The following ATXN1 variants were observed in gnomAD, a reference collection of about 807,000 sequenced individuals.
ATXN1 encodes ataxin-1.
In ATXN1, 8 loss-of-function variants were observed where a neutral mutation model predicts 56.4. The observed-to-expected ratio is 0.14, with a 90% CI of 0.08 to 0.26. The LOEUF (loss-of-function observed/expected upper bound fraction) is 0.26. Among genes scored for constraint, ATXN1 ranks in the 10% least tolerant of loss-of-function variants. The pLI is 1.00. For synonymous variants in ATXN1, 514 were observed against 494.6 expected, an observed-to-expected ratio of 1.04 and a Z score of -0.52; for missense variants, 987 against 1,106.5, an observed-to-expected ratio of 0.89 and a Z score of 1.53.
intron 6 of ATXN1, among the ~76,000 whole-genome samples, chr6:16,442,620 A>T (rs1228849903): frequency 6.6e-6 from 1 of 152,352 alleles, no homozygotes; most frequent in African/African-American, 2.4e-5. Context: ...AAGGGTACTA[A>T]GAATTTCAAA....
rs141836403 is a variant in ATXN1, at chr6:16,730,487, G to GTGTATATATATA, written c.-615+22745_-615+22746insTATATATATACA. On this transcript the variant is annotated intron_variant, in intron 2 of 7. Transcript: ENST00000436367. The stretch of plus-strand genomic sequence containing the variant: ...CTGGAGTTAAAGGGTAAAACAGTAT[G>GTGTATATATATA]TATATATATATATATATATAAATGT... Among the ~76,000 whole-genome samples the GTGTATATATATA allele has an allele frequency of 2.5e-3, 335 of 132,036 alleles. 16 individuals are homozygous for GTGTATATATATA. The highest frequency in any genetic ancestry group is 4.1e-3 in the Non-Finnish European group (249 of 60,342). 86.6% of individuals were successfully genotyped at this position (132,036 alleles called of 152,430 possible).
intron 2 of ATXN1, among the ~76,000 whole-genome samples, chr6:16,721,363 T>G (rs531446352): frequency 3.5e-4 from 54 of 152,320 alleles, no homozygotes; most frequent in African/African-American, 1.2e-3. Context: ...TGGTTGTTCA[T>G]GCCTATAATC....
intron 2 of ATXN1, among the ~76,000 whole-genome samples, chr6:16,690,087 T>G (rs1759014415): frequency 6.6e-6 from 1 of 152,038 alleles, no homozygotes. Flanking sequence ...AATTTTAATT[T>G]TGATGTTTAT....
Position 16,528,495 on chromosome 6 carries a change from C to T in ATXN1, c.-360-5807G>A, listed in dbSNP as rs1054684145. 9.9e-5 allele frequency among the ~76,000 whole-genome samples: 15 copies of T among 152,174 alleles called. No homozygotes were observed. The East Asian group carries it at 2.3e-3, about 24-fold the overall frequency. ...GTAAACATGACTTGCCCAGTAAAAC[C>T]GTGCTGATACTACATGTTCCACAGT... On this transcript the variant is annotated intron_variant, in intron 4 of 7. Transcript: ENST00000436367.
At chr6:16,417,884 C>CCACTA (rs1330282051) in intron 6 of ATXN1, among the ~76,000 whole-genome samples, 1 of 152,162 alleles carries the variant, frequency 6.6e-6, no homozygotes. Flanking sequence ...TTTCTACCTG[C>CCACTA]CACTACCCTA....
chr6:16,759,410 C>A (rs1201385329), intron 1 of ATXN1, among the ~76,000 whole-genome samples: 1 of 152,030 alleles, frequency 6.6e-6, no homozygotes, highest in African/African-American at 2.4e-5. Flanking sequence ...CTAAGAATCT[C>A]TTCGGGGACA....
chr6:16,532,932 C>A (rs1761532939), intron 4 of ATXN1, among the ~76,000 whole-genome samples: 1 of 152,112 alleles, frequency 6.6e-6, no homozygotes, highest in Admixed American at 6.5e-5. Context: ...TATTTGTATA[C>A]CAGTGTTCAT....
At chr6:16,496,701 T>C (rs1232625440) in intron 5 of ATXN1, among the ~76,000 whole-genome samples, 1 of 152,220 alleles carries the variant, frequency 6.6e-6, no homozygotes, top group East Asian at 1.9e-4. Flanking sequence ...TACCTGATGA[T>C]CGCGTTTCAT....
intron 6 of ATXN1, among the ~76,000 whole-genome samples, chr6:16,367,944 C>G (rs179962): frequency 0.79 from 120,105 of 151,918 alleles, 48,122 homozygotes; most frequent in African/African-American, 0.93. Flanking sequence ...GAGGCGGGTG[C>G]ATCACTTGAG....
At chr6:16,403,779 A>C (rs1370796689) in intron 6 of ATXN1, among the ~76,000 whole-genome samples, 1 of 152,214 alleles carries the variant, frequency 6.6e-6, no homozygotes, top group Non-Finnish European at 1.5e-5. Flanking sequence ...AAGCACAGAC[A>C]GCAGGAATGG....
chr6:16,486,810 G>C (rs935876090), intron 5 of ATXN1, among the ~76,000 whole-genome samples: 2 of 152,124 alleles, frequency 1.3e-5, no homozygotes, highest in African/African-American at 4.8e-5. Flanking sequence ...GGCTCCCTCA[G>C]ATTGCTGGTT....
At chr6:16,461,494 T>C (rs965765124) in intron 6 of ATXN1, among the ~76,000 whole-genome samples, 16 of 152,166 alleles carry the variant, frequency 1.1e-4, no homozygotes, top group African/African-American at 3.4e-4. Flanking sequence ...GTAAGGCCCC[T>C]TTTGGGGAAC....
chr6:16,682,836 G>A (rs572181263), intron 2 of ATXN1, among the ~76,000 whole-genome samples: 4 of 152,258 alleles, frequency 2.6e-5, no homozygotes, highest in African/African-American at 9.6e-5. Context: ...TATTTTACAT[G>A]GCAAGACTCT....
At chr6:16,540,984 G>A (rs930002760) in intron 4 of ATXN1, among the ~76,000 whole-genome samples, 1 of 152,158 alleles carries the variant, frequency 6.6e-6, no homozygotes, top group South Asian at 2.1e-4. Context: ...CAAATGACTT[G>A]TCTAAGGTCA....
chr6:16,742,529 GT>G (rs1328898926), intron 2 of ATXN1, among the ~76,000 whole-genome samples: 1 of 152,214 alleles, frequency 6.6e-6, no homozygotes, highest in Non-Finnish European at 1.5e-5. Flanking sequence ...CAGGGCTTCA[GT>G]TTCCAATGGG....
At chr6:16,557,152 C>T (rs901405144) in intron 4 of ATXN1, among the ~76,000 whole-genome samples, 1 of 151,860 alleles carries the variant, frequency 6.6e-6, no homozygotes, top group African/African-American at 2.4e-5. Context: ...TGGTAAAACG[C>T]CGTCTCTACT....
intron 3 of ATXN1, among the ~76,000 whole-genome samples, chr6:16,624,064 T>G (rs1001309992): frequency 6.6e-6 from 1 of 151,886 alleles, no homozygotes; most frequent in Non-Finnish European, 1.5e-5. Flanking sequence ...ATAAAAAGAG[T>G]TCTGGGTTGG....
At chr6:16,743,105 AT>A (rs1184721282) in intron 2 of ATXN1, among the ~76,000 whole-genome samples, 2 of 152,226 alleles carry the variant, frequency 1.3e-5, no homozygotes, top group African/African-American at 4.8e-5. Context: ...TATAATCGAA[AT>A]TCAGTAGGAA....
At chr6:16,321,203 C>A (rs1185294432) in intron 7 of ATXN1, among the ~76,000 whole-genome samples, 1 of 152,210 alleles carries the variant, frequency 6.6e-6, no homozygotes, top group Non-Finnish European at 1.5e-5. Context: ...GAAGCCCCAT[C>A]CTTCTTTTGA....
Sources: allele counts gnomAD v4.1 joint callset (sites outside exome capture counted in the v4.1 genomes callset), GRCh38; gene constraint gnomAD v4.1.1; transcripts MANE v1.5; gene names NCBI Gene and HGNC (gene_info 2026-07-23, HGNC 2026-07-21).